SPECC1L: variants seen among roughly 807,000 people sequenced by gnomAD.
SPECC1L encodes the protein cytospin-A.
In SPECC1L, 40 loss-of-function variants were observed where a neutral mutation model predicts 116.8. The ratio of observed to expected loss-of-function variants is 0.34; its 90% CI spans 0.27 to 0.45. The LOEUF (loss-of-function observed/expected upper bound fraction) is 0.45, where lower values mean the gene tolerates loss of function less well. Ranked by LOEUF, SPECC1L falls within the 20% of genes least tolerant of loss-of-function variation. The pLI is 1.00. For missense variants in SPECC1L, 1,110 were observed against 1,373.6 expected, an observed-to-expected ratio of 0.81 and a Z score of 3.03; for synonymous variants, 504 against 500.6, an observed-to-expected ratio of 1.01 and a Z score of -0.09.
intron 2 of SPECC1L, among the ~76,000 whole-genome samples, chr22:24,284,500 T>C (rs2049005138): frequency 6.6e-6 from 1 of 152,164 alleles, no homozygotes. Flanking sequence ...AGTGGCGTGA[T>C]CTCGGCTCAC....
chr22:24,278,492 A>G (rs1438369301), intron 2 of SPECC1L, among the ~76,000 whole-genome samples: 2 of 152,170 alleles, frequency 1.3e-5, no homozygotes, highest in African/African-American at 4.8e-5. Flanking sequence ...CTGCATAGTA[A>G]TATTGCATAA....
chr22:24,381,930 C>A (rs1019376336), intron 14 of SPECC1L, among the ~76,000 whole-genome samples: 4 of 152,106 alleles, frequency 2.6e-5, no homozygotes, highest in Non-Finnish European at 5.9e-5. Context: ...ATAGTAAGTT[C>A]TGTGTCAGGT....
intron 14 of SPECC1L, among the ~76,000 whole-genome samples, chr22:24,390,071 CT>C (rs1249550540): frequency 6.6e-6 from 1 of 151,892 alleles, no homozygotes; most frequent in Non-Finnish European, 1.5e-5. Context: ...TGTCATCCCT[CT>C]TTCCCTTATG....
At chr22:24,301,961 G>A (rs1297867628) in intron 2 of SPECC1L, among the ~76,000 whole-genome samples, 2 of 152,018 alleles carry the variant, frequency 1.3e-5, no homozygotes, top group Non-Finnish European at 2.9e-5. Context: ...CAGGAGAATG[G>A]TGTGAACCCG....
rs1406634419 is a variant in SPECC1L, at chr22:24,322,372, A to G, written c.1392A>G (p.Glu464=). 1.2e-6 allele frequency: 2 copies of G among 1,614,232 alleles called. No individual in the cohort carries two copies. Among genetic ancestry groups the G allele is most frequent in the African/African-American group, 1.3e-5 (1 of 75,058 alleles). The change falls in exon 5 of 17, where the codon GAA becomes GAG. Residue 464 remains glutamate, a synonymous_variant. Coordinates refer to ENST00000314328, the MANE Select transcript of SPECC1L (RefSeq NM_015330.6). The part of the protein sequence containing the change: ...DKLEHFSRQI[E]YFRSLLDEHH... Reference sequence around the variant, plus strand: ...TGGAACACTTTAGTCGACAGATTGAATACTTCCGCTCTCTTCTAGATGAGC... The same window carrying G: ...TGGAACACTTTAGTCGACAGATTGAGTACTTCCGCTCTCTTCTAGATGAGC...
chr22:24,414,325 G>T (rs964112669), intron 16 of SPECC1L, among the ~76,000 whole-genome samples: 3 of 152,168 alleles, frequency 2.0e-5, no homozygotes, highest in Non-Finnish European at 4.4e-5. Flanking sequence ...CCTTGCCTGT[G>T]GCTCTGGGGC....
intron 14 of SPECC1L, among the ~76,000 whole-genome samples, chr22:24,378,009 C>T (rs961807241): frequency 5.3e-5 from 8 of 152,202 alleles, no homozygotes; most frequent in Admixed American, 5.2e-4. Context: ...GCATTGACTT[C>T]TCCTCTGTAG....
At chr22:24,284,660 C>A (rs1033216451) in intron 2 of SPECC1L, among the ~76,000 whole-genome samples, 1 of 152,178 alleles carries the variant, frequency 6.6e-6, no homozygotes. Context: ...TGGTCTCGAT[C>A]TCCTGACCTC....
Position 24,396,665 on chromosome 22 carries a change from C to T in SPECC1L, c.3088-14923C>T, listed in dbSNP as rs1444448213. On this transcript the variant is annotated intron_variant, in intron 14 of 16. Coordinates refer to ENST00000314328, the MANE Select transcript of SPECC1L (RefSeq NM_015330.6). ...AGGCCTTTTAAAATTCTGCCATTTC[C>T]AGGGAATAATTTAACCTTTTCAACA... 3.9e-5 allele frequency among the ~76,000 whole-genome samples: 6 copies of T among 152,088 alleles called. No homozygotes were observed. In the East Asian group the frequency reaches 1.2e-3, roughly 29 times the overall value.
chr22:24,302,363 A>G lies in SPECC1L; in HGVS notation c.132A>G (p.Gly44=), dbSNP rs746620812. The G allele has an allele frequency of 1.9e-6, 3 of 1,614,052 alleles. No individual in the cohort carries two copies. The highest frequency in any genetic ancestry group is 2.5e-6 in the Non-Finnish European group (3 of 1,180,044). Residue 44 remains glycine (G), a synonymous_variant, in exon 3 of 17, where the codon GGA becomes GGG. Coordinates refer to ENST00000314328, the MANE Select transcript of SPECC1L (RefSeq NM_015330.6). ...ASTGGKLVKP[G]TAASLSKTKS... ...CGGGAGGCAAACTTGTAAAACCTGG[A>G]ACAGCAGCATCATTGTCAAAGGTAT...
At chr22:24,281,868 G>A (rs1055408997) in intron 2 of SPECC1L, among the ~76,000 whole-genome samples, 1 of 152,206 alleles carries the variant, frequency 6.6e-6, no homozygotes, top group African/African-American at 2.4e-5. Flanking sequence ...CCATTGCCTA[G>A]ACAGAGCGGA....
At chr22:24,294,635 G>A (rs553428557) in intron 2 of SPECC1L, among the ~76,000 whole-genome samples, 20 of 151,958 alleles carry the variant, frequency 1.3e-4, no homozygotes, top group Middle Eastern at 3.4e-3. Context: ...CACCTGCCTC[G>A]GCCTCCCAAA....
Position 24,390,135 on chromosome 22 carries a change from TA to T in SPECC1L, c.3087+20831del, listed in dbSNP as rs397961386. Among the ~76,000 whole-genome samples the T allele has an allele frequency of 7.0e-3, 942 of 135,442 alleles. 1 individual carries two copies. The highest frequency in any genetic ancestry group is 0.011 in the Middle Eastern group (3 of 270). The allele number at this position is 135,442 out of a possible 152,430, so 88.9% of individuals were successfully genotyped here. ...TCTACTCATCCCCTACCCCAACCCTTAAAAAAAAAAAAAAAAGAGGACTTTA... is the reference window on the plus strand; with the variant it reads ...TCTACTCATCCCCTACCCCAACCCTTAAAAAAAAAAAAAAAGAGGACTTTA... On this transcript the variant is annotated intron_variant, in intron 14 of 16. Transcript: ENST00000314328.
At chr22:24,332,976 C>G (rs528687874) in intron 8 of SPECC1L, among the ~76,000 whole-genome samples, 3 of 152,198 alleles carry the variant, frequency 2.0e-5, no homozygotes, top group Non-Finnish European at 4.4e-5. Context: ...TGCCTGTGGT[C>G]CCAGCACTTT....
rs1444792376 is a variant in SPECC1L, at chr22:24,345,877, A to G, written c.2653-1209A>G. 3.9e-5 allele frequency among the ~76,000 whole-genome samples: 6 copies of G among 152,202 alleles called. No individual in the cohort carries two copies. The South Asian group carries it at 8.3e-4, about 21-fold the overall frequency. On this transcript the variant is annotated intron_variant, in intron 10 of 16. Transcript: ENST00000314328. ...GGCGAAATCTGTGGGAGTGAAGCAC[A>G]AGAAAAACATAGACAAGCAACGTGG... is the stretch of plus-strand genomic sequence containing the variant.
chr22:24,389,511 C>T (rs531776785), intron 14 of SPECC1L, among the ~76,000 whole-genome samples: 15 of 147,748 alleles, frequency 1.0e-4, no homozygotes, highest in African/African-American at 3.7e-4. Flanking sequence ...TTTGTGGGGG[C>T]TTTCGGGTTT....
chr22:24,355,331 G>A (rs376639346), intron 11 of SPECC1L, among the ~76,000 whole-genome samples: 2 of 150,300 alleles, frequency 1.3e-5, no homozygotes, highest in Admixed American at 6.6e-5. Flanking sequence ...TGCTAAATGT[G>A]CTCATTGCTA....
At chr22:24,399,389 T>G (rs1271218841) in intron 14 of SPECC1L, among the ~76,000 whole-genome samples, 1 of 151,984 alleles carries the variant, frequency 6.6e-6, no homozygotes, top group Non-Finnish European at 1.5e-5. Flanking sequence ...GCTAACATGG[T>G]GAAACTCCAT....
At chr22:24,324,476 T>C (rs201193901) in intron 6 of SPECC1L, 49 bp downstream of exon 6, 2 of 1,517,358 alleles carry the variant, frequency 1.3e-6, no homozygotes, top group Non-Finnish European at 1.8e-6. Context: ...CTTTTAAACA[T>C]GCGGGGATAA....
Sources: gnomAD v4.1 joint callset for allele counts (sites outside exome capture counted in the v4.1 genomes callset) on GRCh38, gnomAD v4.1.1 for gene constraint, MANE v1.5 for transcripts, NCBI Gene and HGNC (gene_info 2026-07-23, HGNC 2026-07-21) for gene names.